The following SMYD3 variants were observed in gnomAD, a reference collection of about 807,000 sequenced individuals.
The protein encoded by SMYD3 is SET and MYND domain containing 3, also known as histone-lysine N-methyltransferase SMYD3.
SMYD3 carries 36 observed loss-of-function variants against 57.7 expected under a neutral mutation model. The ratio of observed to expected loss-of-function variants is 0.62; its 90% confidence interval spans 0.48 to 0.82. The LOEUF is 0.82. Ranked by LOEUF, SMYD3 falls within the 40% of genes least tolerant of loss-of-function variation. The pLI is 0.00. For synonymous variants in SMYD3, 211 were observed against 195.0 expected (o/e 1.08, Z -0.68); for missense variants, 515 against 538.8 (o/e 0.96, Z 0.44).
At chr1:245,894,441 G>A (rs903767458) in intron 8 of SMYD3, among the ~76,000 whole-genome samples, 2 of 152,022 alleles carry the variant, frequency 1.3e-5, no homozygotes, top group Non-Finnish European at 2.9e-5. Context: ...CGCCGTGGAA[G>A]CTTTTGTTTT....
At chr1:245,868,839 A>G (rs1244801653) in intron 8 of SMYD3, among the ~76,000 whole-genome samples, 1 of 152,114 alleles carries the variant, frequency 6.6e-6, no homozygotes, top group East Asian at 1.9e-4. Context: ...TGGGTCTGTC[A>G]CGTCTCCCCT....
intron 10 of SMYD3, among the ~76,000 whole-genome samples, chr1:245,769,276 C>G (rs2046242095): frequency 2.0e-5 from 3 of 152,226 alleles, no homozygotes; most frequent in African/African-American, 7.2e-5. Context: ...AGGAGGACAA[C>G]TAGACACTAA....
At chr1:246,409,743 T>C (rs1258805226) in intron 1 of SMYD3, among the ~76,000 whole-genome samples, 9 of 152,210 alleles carry the variant, frequency 5.9e-5, no homozygotes, top group Middle Eastern at 3.2e-3. Flanking sequence ...GGGGATGGCA[T>C]TGAATCTGTA....
chr1:245,945,513 G>A (rs1572758411), intron 5 of SMYD3, among the ~76,000 whole-genome samples: 1 of 152,318 alleles, frequency 6.6e-6, no homozygotes. Flanking sequence ...CTTTTACATG[G>A]TTGATGAGAA....
At chr1:246,315,603 G>A (rs141665850) in intron 5 of SMYD3, among the ~76,000 whole-genome samples, 2,060 of 152,314 alleles carry the variant, frequency 0.014, 18 homozygotes, top group Non-Finnish European at 0.023. Context: ...GCTTCCAGCT[G>A]TACCAGGACA....
intron 8 of SMYD3, among the ~76,000 whole-genome samples, chr1:245,914,118 CTACA>C: frequency 6.6e-6 from 1 of 152,296 alleles, no homozygotes; most frequent in African/African-American, 2.4e-5. Flanking sequence ...TGAAAGGCCT[CTACA>C]ATGAGGCCAC....
At chr1:245,772,354 A>G (rs905124095) in intron 10 of SMYD3, among the ~76,000 whole-genome samples, 1 of 152,182 alleles carries the variant, frequency 6.6e-6, no homozygotes, top group African/African-American at 2.4e-5. Flanking sequence ...CCTTCACTCA[A>G]AAGGTGGGGT....
intron 5 of SMYD3, among the ~76,000 whole-genome samples, chr1:246,019,586 T>C (rs1310848016): frequency 6.6e-6 from 1 of 152,234 alleles, no homozygotes; most frequent in Non-Finnish European, 1.5e-5. Flanking sequence ...AGCTGTGTTC[T>C]TGACATAAAG....
intron 5 of SMYD3, among the ~76,000 whole-genome samples, chr1:246,101,342 C>T (rs896759498): frequency 5.9e-5 from 9 of 152,022 alleles, no homozygotes; most frequent in African/African-American, 2.2e-4. Context: ...CCTTATTATC[C>T]TTTAAATGCT....
At chr1:246,507,003 A>ACCCCCCCCCCCCCCCCCCCCCC in intron 1 of SMYD3, 51 bp downstream of exon 1, 1 of 691,580 alleles carries the variant, frequency 1.4e-6, no homozygotes, top group East Asian at 5.9e-5. Flanking sequence ...CCCCCTCCCC[A>ACCCCCCCCCCCCCCCCCCCCCC]GCACCCCACA....
chr1:245,805,133 A>C (rs2048090720), intron 10 of SMYD3, among the ~76,000 whole-genome samples: 1 of 151,914 alleles, frequency 6.6e-6, no homozygotes, highest in Non-Finnish European at 1.5e-5. Context: ...AAAAGAAAAT[A>C]GAATTTCCTG....
intron 5 of SMYD3, among the ~76,000 whole-genome samples, chr1:245,998,685 C>T (rs138236270): frequency 1.1e-4 from 16 of 151,978 alleles, no homozygotes; most frequent in African/African-American, 2.9e-4. Context: ...ACGAAAGCAG[C>T]GACTCAACAG....
At chr1:246,172,363 T>C (rs1399630008) in intron 5 of SMYD3, among the ~76,000 whole-genome samples, 2 of 149,438 alleles carry the variant, frequency 1.3e-5, no homozygotes, top group African/African-American at 2.5e-5. Flanking sequence ...TTATCAACAC[T>C]GCACACTTAG....
In SMYD3 at chr1:245,928,410, G is replaced by A. The variant is rs901733134; in HGVS notation, c.600-377C>T. Among the ~76,000 whole-genome samples, 10 of 152,158 alleles carry A rather than the reference G, an allele frequency of 6.6e-5. No homozygotes were observed. The East Asian group carries it at 1.2e-3, about 18-fold the overall frequency. On this transcript the variant is annotated intron_variant, in intron 6 of 11. Transcript: ENST00000490107. ...TAGACAGCTGGGTGTGGTGGCTCAC[G>A]CCTGTAATCCTAGGACTTTAGGAAG...
At chr1:246,467,208 C>A (rs2067895040) in intron 1 of SMYD3, among the ~76,000 whole-genome samples, 1 of 151,996 alleles carries the variant, frequency 6.6e-6, no homozygotes, top group African/African-American at 2.4e-5. Context: ...ATAAAATACA[C>A]TTACCAATAA....
intron 5 of SMYD3, among the ~76,000 whole-genome samples, chr1:246,046,653 T>A (rs2059971217): frequency 6.8e-6 from 1 of 147,424 alleles, no homozygotes; most frequent in African/African-American, 2.5e-5. Flanking sequence ...ATATATATAT[T>A]TTATATATTT....
chr1:245,801,217 A>C (rs748877676), intron 10 of SMYD3, among the ~76,000 whole-genome samples: 1 of 152,232 alleles, frequency 6.6e-6, no homozygotes, highest in Non-Finnish European at 1.5e-5. Flanking sequence ...AAATAGCTAA[A>C]CTTTTAAAAA....
chr1:245,803,342 G>C (rs1373908341), intron 10 of SMYD3, among the ~76,000 whole-genome samples: 2 of 152,032 alleles, frequency 1.3e-5, no homozygotes, highest in Non-Finnish European at 2.9e-5. Context: ...AAGCTTTCTA[G>C]ACACAACTGC....
intron 1 of SMYD3, among the ~76,000 whole-genome samples, chr1:246,485,253 A>G (rs1189463756): frequency 2.6e-5 from 4 of 152,138 alleles, no homozygotes; most frequent in African/African-American, 9.7e-5. Context: ...CATCACTTCA[A>G]CCAAAATACC....
Sources: allele counts gnomAD v4.1 joint callset (sites outside exome capture counted in the v4.1 genomes callset), GRCh38; gene constraint gnomAD v4.1.1; transcripts MANE v1.5; gene names NCBI Gene and HGNC (gene_info 2026-07-23, HGNC 2026-07-21).